MACROD2: variants seen among roughly 807,000 people sequenced by gnomAD.
The protein encoded by MACROD2 is mono-ADP ribosylhydrolase 2, also known as ADP-ribose glycohydrolase MACROD2.
Under a neutral mutation model 70.4 loss-of-function variants are expected in MACROD2, and 36 were observed. The observed-to-expected ratio is 0.51, with a 90% CI of 0.39 to 0.68. MACROD2 has a LOEUF of 0.68. Ranked by LOEUF, MACROD2 falls within the 30% of genes least tolerant of loss-of-function variation. The probability of loss-of-function intolerance (pLI) is 0.00; values close to 1 mark genes in which losing one functional copy is unlikely to be tolerated. For missense variants in MACROD2, 496 were observed against 538.4 expected, an observed-to-expected ratio of 0.92 and a Z score of 0.78; for synonymous variants, 172 against 178.8, an observed-to-expected ratio of 0.96 and a Z score of 0.30.
At position 14,424,041 on chromosome 20, in the gene MACROD2, C is replaced by T. The variant is rs1568605793; in HGVS notation, c.272-69438C>T. 2.0e-5 allele frequency among the ~76,000 whole-genome samples: 3 copies of T among 152,182 alleles called. No homozygotes were observed. The East Asian group carries it at 5.8e-4, about 30-fold the overall frequency. On this transcript the variant is annotated intron_variant, in intron 3 of 17. Coordinates refer to ENST00000684519, the MANE Select transcript of MACROD2 (RefSeq NM_001351661.2). ...CCTCCCAGACTGCTGGGATTACAGG[C>T]ATGAGCCACCACGCCCGGCCTTAAA...
intron 6 of MACROD2, among the ~76,000 whole-genome samples, chr20:15,246,514 T>A (rs927618240): frequency 6.6e-6 from 1 of 152,216 alleles, no homozygotes; most frequent in Non-Finnish European, 1.5e-5. Context: ...TTTTATTTTT[T>A]TTTATTAGTG....
chr20:15,378,783 AG>A (rs1374665557), intron 6 of MACROD2, among the ~76,000 whole-genome samples: 1 of 152,224 alleles, frequency 6.6e-6, no homozygotes, highest in Non-Finnish European at 1.5e-5. Flanking sequence ...TAAAAACATA[AG>A]AATTTTTTTT....
chr20:15,893,781 T>TAATAATACTGATGGTGTCAGG (rs1459919317), intron 10 of MACROD2: 2 of 456,670 alleles, frequency 4.4e-6, no homozygotes, highest in South Asian at 3.1e-5. Flanking sequence ...ATGAAGAGTG[T>TAATAATACTGATGGTGTCAGG]AATAATACTG....
At chr20:15,915,914 G>A (rs945168488) in intron 10 of MACROD2, among the ~76,000 whole-genome samples, 4 of 152,120 alleles carry the variant, frequency 2.6e-5, no homozygotes, top group Admixed American at 6.5e-5. Context: ...GAAATCCCCC[G>A]TTATGGACTT....
At chr20:14,938,011 T>G (rs1450033420) in intron 5 of MACROD2, among the ~76,000 whole-genome samples, 2 of 151,500 alleles carry the variant, frequency 1.3e-5, no homozygotes, top group East Asian at 1.9e-4. Context: ...AAGTTTTTTT[T>G]TTTTTTTTTT....
intron 4 of MACROD2, among the ~76,000 whole-genome samples, chr20:14,518,305 T>G (rs1053534946): frequency 3.9e-5 from 6 of 152,142 alleles, no homozygotes; most frequent in African/African-American, 1.4e-4. Context: ...TCTAACTAAC[T>G]CAACTTCTTT....
At chr20:15,190,980 A>C (rs2076566707) in intron 5 of MACROD2, among the ~76,000 whole-genome samples, 1 of 152,188 alleles carries the variant, frequency 6.6e-6, no homozygotes, top group Non-Finnish European at 1.5e-5. Flanking sequence ...AGAACTGACT[A>C]ACCCTGATAG....
intron 5 of MACROD2, among the ~76,000 whole-genome samples, chr20:14,810,529 C>G (rs1354502068): frequency 6.6e-6 from 1 of 152,054 alleles, no homozygotes; most frequent in Non-Finnish European, 1.5e-5. Context: ...AAAACTGGCA[C>G]AAGACAAGGA....
chr20:15,364,819 G>A (rs538503529), intron 6 of MACROD2, among the ~76,000 whole-genome samples: 2 of 152,322 alleles, frequency 1.3e-5, no homozygotes, highest in East Asian at 3.9e-4. Flanking sequence ...AGTGGAGGTT[G>A]TGAAAGCATT....
chr20:14,518,185 G>T (rs1280869333), intron 4 of MACROD2, among the ~76,000 whole-genome samples: 1 of 151,796 alleles, frequency 6.6e-6, no homozygotes, highest in Non-Finnish European at 1.5e-5. Flanking sequence ...TATTGCTTTT[G>T]TAAGTAGGAC....
At chr20:15,454,406 A>AACACACACACACACACACACAC (rs10523169) in intron 7 of MACROD2, among the ~76,000 whole-genome samples, 1 of 137,530 alleles carries the variant, frequency 7.3e-6, no homozygotes, top group African/African-American at 2.9e-5. Flanking sequence ...GACATATTCA[A>AACACACACACACACACACACAC]ACACACACAC....
At chr20:14,222,502 G>T (rs1379615870) in intron 3 of MACROD2, among the ~76,000 whole-genome samples, 1 of 152,128 alleles carries the variant, frequency 6.6e-6, no homozygotes, top group Non-Finnish European at 1.5e-5. Flanking sequence ...GGGGATGGGA[G>T]GAGGGTGGAT....
chr20:15,062,040 C>T (rs1912223598), intron 5 of MACROD2, among the ~76,000 whole-genome samples: 1 of 152,184 alleles, frequency 6.6e-6, no homozygotes, highest in Non-Finnish European at 1.5e-5. Context: ...AGGGCAGATA[C>T]TGCAGCCTTG....
chr20:15,836,064 G>C (rs2064110941), intron 8 of MACROD2, among the ~76,000 whole-genome samples: 1 of 147,538 alleles, frequency 6.8e-6, no homozygotes, highest in Non-Finnish European at 1.5e-5. Flanking sequence ...GGGACCCCAG[G>C]TCCTGAAATT....
intron 5 of MACROD2, among the ~76,000 whole-genome samples, chr20:15,183,028 G>T (rs1236480226): frequency 2.0e-5 from 3 of 152,114 alleles, no homozygotes; most frequent in Non-Finnish European, 4.4e-5. Flanking sequence ...GCTGCCTTCT[G>T]TCCTCCCATT....
intron 6 of MACROD2, among the ~76,000 whole-genome samples, chr20:15,395,304 A>G (rs2045846436): frequency 6.6e-6 from 1 of 152,214 alleles, no homozygotes; most frequent in Non-Finnish European, 1.5e-5. Context: ...ATTTAGGAAC[A>G]GTGAGTTTCC....
intron 10 of MACROD2, among the ~76,000 whole-genome samples, chr20:15,912,664 C>T (rs2065254389): frequency 6.6e-6 from 1 of 152,074 alleles, no homozygotes; most frequent in Non-Finnish European, 1.5e-5. Flanking sequence ...ATGATGAAAA[C>T]ATCACATTTC....
chr20:14,139,853 C>T (rs770057876), intron 3 of MACROD2, among the ~76,000 whole-genome samples: 3 of 152,118 alleles, frequency 2.0e-5, no homozygotes, highest in Non-Finnish European at 4.4e-5. Context: ...GAAAATTTCA[C>T]ATCTGACTTC....
At chr20:15,031,120 C>T (rs1183711973) in intron 5 of MACROD2, among the ~76,000 whole-genome samples, 2 of 152,190 alleles carry the variant, frequency 1.3e-5, no homozygotes, top group Admixed American at 6.5e-5. Flanking sequence ...CCTGCACAGG[C>T]GCCAGCTCTA....
Sources: gnomAD v4.1 joint callset for allele counts (sites outside exome capture counted in the v4.1 genomes callset) on GRCh38, gnomAD v4.1.1 for gene constraint, MANE v1.5 for transcripts, NCBI Gene and HGNC (gene_info 2026-07-23, HGNC 2026-07-21) for gene names.